The following MAGI3 variants were observed in gnomAD, a reference collection of about 807,000 sequenced individuals.
MAGI3 encodes membrane associated guanylate kinase, WW and PDZ domain containing 3.
MAGI3 carries 43 observed loss-of-function variants against 121.8 expected under a neutral mutation model. The ratio of observed to expected loss-of-function variants is 0.35; its 90% CI spans 0.28 to 0.46. MAGI3 has a LOEUF of 0.46. Ranked by LOEUF, MAGI3 falls within the 20% of genes least tolerant of loss-of-function variation. The pLI is 1.00. For missense variants in MAGI3, 1,547 were observed against 1,797.3 expected (o/e 0.86, Z 2.52); for synonymous variants, 553 against 639.3 (o/e 0.86, Z 2.04).
intron 7 of MAGI3, 87 bp from the exon 8 acceptor site, chr1:113,619,649 A>C: frequency 1.1e-6 from 1 of 884,734 alleles, no homozygotes; most frequent in East Asian, 2.5e-5. Context: ...CCCCTAATCT[A>C]TGATGATGGA....
intron 6 of MAGI3, 35 bp downstream of exon 6, chr1:113,594,595 TCTCTTAATCCTTTCTTG>T (rs1259433598): frequency 6.5e-7 from 1 of 1,539,738 alleles, no homozygotes; most frequent in Non-Finnish European, 8.9e-7. Context: ...TCATACTTAT[TCTCTTAATCCTTTCTTG>T]CTCTTCTTGC....
chr1:113,536,064 G>T (rs1175772118), intron 1 of MAGI3, among the ~76,000 whole-genome samples: 1 of 150,880 alleles, frequency 6.6e-6, no homozygotes, highest in East Asian at 1.9e-4. Context: ...AACTATTATG[G>T]CTTCTACCCA....
chr1:113,539,252 G>GCC (rs1659156451), intron 1 of MAGI3, among the ~76,000 whole-genome samples: 1 of 151,924 alleles, frequency 6.6e-6, no homozygotes, highest in Admixed American at 6.6e-5. Flanking sequence ...AATTAGCTGG[G>GCC]CGTGGTGGTG....
chr1:113,580,489 T>G, intron 2 of MAGI3, 53 bp from the exon 3 acceptor site: 1 of 1,524,684 alleles, frequency 6.6e-7, no homozygotes, highest in Non-Finnish European at 8.9e-7. Context: ...CTTTGAATAT[T>G]TTGTAAGTTT....
chr1:113,571,677 G>T (rs1037180366), intron 2 of MAGI3, among the ~76,000 whole-genome samples: 5 of 152,288 alleles, frequency 3.3e-5, no homozygotes, highest in Middle Eastern at 3.4e-3. Context: ...GTTCACTCAT[G>T]ATTTGGCTCT....
intron 1 of MAGI3, among the ~76,000 whole-genome samples, chr1:113,494,883 ATTTG>A (rs1656842346): frequency 6.6e-6 from 1 of 152,018 alleles, no homozygotes; most frequent in Non-Finnish European, 1.5e-5. Flanking sequence ...GCTAGATTTT[ATTTG>A]TTTACTTGTT....
At chr1:113,635,990 C>T (rs1271798745) in intron 9 of MAGI3, among the ~76,000 whole-genome samples, 1 of 152,110 alleles carries the variant, frequency 6.6e-6, no homozygotes, top group Admixed American at 6.5e-5. Flanking sequence ...TCCATTTCTT[C>T]TAGATTTTCT....
At chr1:113,507,671 G>T (rs1396455241) in intron 1 of MAGI3, among the ~76,000 whole-genome samples, 1 of 152,140 alleles carries the variant, frequency 6.6e-6, no homozygotes, top group African/African-American at 2.4e-5. Context: ...TATGGTCATT[G>T]TATTACCTTA....
rs968174047 is a variant in MAGI3 at position 113,422,048 on chromosome 1, C to T, written c.316+30699C>T. Among the ~76,000 whole-genome samples, 2 of 152,184 alleles carry T rather than the reference C, an allele frequency of 1.3e-5. No homozygotes were observed. Among genetic ancestry groups the T allele is most frequent in the Non-Finnish European group, 2.9e-5 (2 of 68,020 alleles). On this transcript the variant is annotated intron_variant, in intron 1 of 20. Coordinates refer to ENST00000307546, the MANE Select transcript of MAGI3 (RefSeq NM_001142782.2). This position sits in a 1 kb window ranked among gnomAD's most constrained non-coding sequence, Gnocchi z 4.3. ...TATGTAAAACATGCCCTGCCCATCT[C>T]TCTCTCTTTACCCTTTTACTGACTG...
rs1308167597 is a variant in MAGI3, at chr1:113,391,365, G to T, written c.316+16G>T. On this transcript the variant is annotated intron_variant, in intron 1 of 20. Coordinates refer to ENST00000307546, the MANE Select transcript of MAGI3 (RefSeq NM_001142782.2). This position sits in a 1 kb window ranked among gnomAD's most constrained non-coding sequence, Gnocchi z 4.4. ...GTGAAACCAGGTACGCCGGCCCTGC[G>T]TATCTGTCTCGGGGTGTTGGGGAGA... The T allele has an allele frequency of 1.3e-6, 2 of 1,577,626 alleles. No homozygotes were observed. Among genetic ancestry groups the T allele is most frequent in the Non-Finnish European group, 1.7e-6 (2 of 1,162,838 alleles).
intron 3 of MAGI3, among the ~76,000 whole-genome samples, chr1:113,581,996 C>T (rs930111610): frequency 2.0e-5 from 3 of 151,938 alleles, no homozygotes; most frequent in Non-Finnish European, 4.4e-5. Context: ...AGATGCTCTA[C>T]ATTTTCTTCC....
In MAGI3 at chr1:113,671,834, C is replaced by T. The variant is rs1475381878; in HGVS notation, c.2916C>T (p.Asp972=). Residue 972 remains aspartate (D), a splice_region_variant and synonymous_variant, in exon 17 of 21, where the codon GAC becomes GAT. Transcript: ENST00000307546. ...GQSQANHIPG[D]RSALEGEIGK... ...CACAGGCCAACCACATACCTGGGGA[C>T]AGGTGGGGCTATTTTCAGGTTTTTG... is the stretch of plus-strand genomic sequence containing the variant. The T allele has an allele frequency of 6.2e-7, 1 of 1,613,946 alleles. No homozygotes were observed.
intron 1 of MAGI3, among the ~76,000 whole-genome samples, chr1:113,537,968 A>G (rs1570820569): frequency 1.3e-5 from 2 of 152,212 alleles, no homozygotes; most frequent in African/African-American, 4.8e-5. Flanking sequence ...CTGGACTCAG[A>G]TTACTTTTGA....
intron 1 of MAGI3, among the ~76,000 whole-genome samples, chr1:113,399,920 C>A (rs1007300651): frequency 1.3e-5 from 2 of 152,028 alleles, no homozygotes; most frequent in Non-Finnish European, 2.9e-5. Context: ...TTTTTAAACA[C>A]AAATTGAGAC....
intron 2 of MAGI3, among the ~76,000 whole-genome samples, chr1:113,575,330 C>T (rs1267782594): frequency 2.6e-5 from 4 of 152,168 alleles, no homozygotes; most frequent in Non-Finnish European, 5.9e-5. Flanking sequence ...GTGGATTTAT[C>T]TACCTTTGAT....
At chr1:113,438,170 C>T (rs1653730945) in intron 1 of MAGI3, among the ~76,000 whole-genome samples, 1 of 151,856 alleles carries the variant, frequency 6.6e-6, no homozygotes. Flanking sequence ...AGGCTGGCCT[C>T]CAATTTATGG....
chr1:113,480,153 T>G (rs536800831), intron 1 of MAGI3, among the ~76,000 whole-genome samples: 13 of 152,352 alleles, frequency 8.5e-5, no homozygotes, highest in African/African-American at 3.1e-4. Flanking sequence ...TGGTGTCATA[T>G]TTCCCTGATG....
At chr1:113,636,664 G>A (rs1426293320) in intron 9 of MAGI3, among the ~76,000 whole-genome samples, 2 of 152,034 alleles carry the variant, frequency 1.3e-5, no homozygotes, top group Non-Finnish European at 2.9e-5. Context: ...GGTCAATTTT[G>A]GAATAGGTGT....
At position 113,534,101 on chromosome 1, in the gene MAGI3, C is replaced by T. The variant is rs769887921; in HGVS notation, c.317-15414C>T. Among the ~76,000 whole-genome samples, 84 of 152,186 alleles carry T rather than the reference C, an allele frequency of 5.5e-4. 4 individuals carry two copies. The highest frequency in any genetic ancestry group is 3.4e-4 in the Non-Finnish European group (23 of 68,018). On this transcript the variant is annotated intron_variant, in intron 1 of 20. Coordinates refer to ENST00000307546, the MANE Select transcript of MAGI3 (RefSeq NM_001142782.2). ...TTCTTATGTTTAGTATGTTTCTTGA[C>T]TCTGCCTCCTATTTCACCAATACAA... is the stretch of plus-strand genomic sequence containing the variant.
Sources: gnomAD v4.1 joint callset for allele counts (sites outside exome capture counted in the v4.1 genomes callset) on GRCh38, gnomAD v4.1.1 for gene constraint, Gnocchi (gnomAD v3.1) non-coding constraint, MANE v1.5 for transcripts, NCBI Gene and HGNC (gene_info 2026-07-23, HGNC 2026-07-21) for gene names.